The following GALNT18 variants were observed in gnomAD, a reference collection of about 807,000 sequenced individuals.
GALNT18 encodes the protein GalNAc-transferase 18.
In GALNT18, 44 loss-of-function variants were observed where a neutral mutation model predicts 69.5. The ratio of observed to expected loss-of-function variants is 0.63; its 90% CI spans 0.50 to 0.81. The LOEUF is 0.81. Ranked by LOEUF, GALNT18 falls within the 40% of genes least tolerant of loss-of-function variation. The pLI is 0.00. For missense variants in GALNT18, 715 were observed against 810.0 expected (o/e 0.88, Z 1.42); for synonymous variants, 364 against 318.2 (o/e 1.14, Z -1.53).
At chr11:11,272,014 G>A (rs1205970764) in intron 10 of GALNT18, among the ~76,000 whole-genome samples, 2 of 151,366 alleles carry the variant, frequency 1.3e-5, no homozygotes, top group Non-Finnish European at 3.0e-5. Context: ...AGCCTGGACT[G>A]TCTGAGCATC....
At chr11:11,272,235 C>T (rs1252610934) in intron 10 of GALNT18, among the ~76,000 whole-genome samples, 2 of 152,166 alleles carry the variant, frequency 1.3e-5, no homozygotes, top group Admixed American at 6.5e-5. Flanking sequence ...ATTTATCTAT[C>T]CTTTCAGCAT....
At chr11:11,325,378 G>A (rs867524967) in intron 9 of GALNT18, among the ~76,000 whole-genome samples, 8 of 152,162 alleles carry the variant, frequency 5.3e-5, no homozygotes, top group Non-Finnish European at 1.2e-4. Flanking sequence ...GGGAGGAGGG[G>A]TGAGGAATAA....
chr11:11,598,214 ATAATCTATAACAAATTATAACTG>A lies in GALNT18; in HGVS notation c.235+23122_235+23144del, dbSNP rs563289404. On this transcript the variant is annotated intron_variant, in intron 1 of 10. Coordinates refer to ENST00000227756, the MANE Select transcript of GALNT18 (RefSeq NM_198516.3). This position sits in a 1 kb window ranked among gnomAD's most constrained non-coding sequence, Gnocchi z 4.8. Reference sequence around the variant, plus strand: ...CTATAATAAATTACTATAATCTATAATAATCTATAACAAATTATAACTGTAATCTATAACAAATTATTATAAAC... The same window carrying A: ...CTATAATAAATTACTATAATCTATAATAATCTATAACAAATTATTATAAAC... Among the ~76,000 whole-genome samples the A allele has an allele frequency of 0.012, 1,867 of 152,224 alleles. 47 individuals are homozygous for A. Among genetic ancestry groups the A allele is most frequent in the African/African-American group, 0.043 (1,786 of 41,540 alleles).
chr11:11,406,801 A>G (rs1419832365), intron 3 of GALNT18, among the ~76,000 whole-genome samples: 1 of 152,244 alleles, frequency 6.6e-6, no homozygotes, highest in African/African-American at 2.4e-5. Flanking sequence ...GGAATTATCA[A>G]AGTCAAATAT....
intron 9 of GALNT18, among the ~76,000 whole-genome samples, chr11:11,293,695 C>T (rs112872345): frequency 0.18 from 27,511 of 151,914 alleles, 2,792 homozygotes; most frequent in Non-Finnish European, 0.23. Context: ...ATGCGCACCA[C>T]CATGCCCGGC....
chr11:11,384,793 T>A (rs1326631654), intron 3 of GALNT18, among the ~76,000 whole-genome samples: 2 of 152,144 alleles, frequency 1.3e-5, no homozygotes, highest in Non-Finnish European at 2.9e-5. Flanking sequence ...CATCTGTTGT[T>A]TATAAGCCAC....
In GALNT18 at chr11:11,340,730, A is replaced by G; in HGVS notation, c.1278+89T>C. On this transcript the variant is annotated intron_variant, in intron 7 of 10. Transcript: ENST00000227756. This position sits in a 1 kb window ranked among gnomAD's most constrained non-coding sequence, Gnocchi z 4.2. The stretch of plus-strand genomic sequence containing the variant: ...TGCATGGCAAACAGGACTCTGGCTG[A>G]CCCATAGGAAGAAGGGTTCGGTCCC... 8.0e-7 allele frequency: 1 copy of G among 1,248,702 alleles called. No homozygotes were observed. The highest frequency in any genetic ancestry group is 1.1e-6 in the Non-Finnish European group (1 of 896,100). 77.4% of individuals were successfully genotyped at this position (1,248,702 alleles called of 1,614,324 possible).
At chr11:11,353,620 G>A (rs1018814389) in intron 6 of GALNT18, among the ~76,000 whole-genome samples, 6 of 151,880 alleles carry the variant, frequency 4.0e-5, no homozygotes, top group African/African-American at 1.2e-4. Context: ...AAGCTTAATC[G>A]AATCAGAAAC....
Position 11,314,901 on chromosome 11 carries a change from A to G in GALNT18, c.1512+12185T>C, listed in dbSNP as rs1036066199. ...ATGTTCTAGGACTTATGGCCTACACACTCAACTATTGGTGGTGGGGCCTAG... is the reference window on the plus strand; with the variant it reads ...ATGTTCTAGGACTTATGGCCTACACGCTCAACTATTGGTGGTGGGGCCTAG... On this transcript the variant is annotated intron_variant, in intron 9 of 10. Coordinates refer to ENST00000227756, the MANE Select transcript of GALNT18 (RefSeq NM_198516.3). The surrounding 1 kb of genome is among the most constrained non-coding windows in gnomAD (Gnocchi z 5.2). Among the ~76,000 whole-genome samples the G allele has an allele frequency of 2.6e-5, 4 of 152,106 alleles. No homozygotes were observed. The highest frequency in any genetic ancestry group is 9.7e-5 in the African/African-American group (4 of 41,424).
At chr11:11,335,953 T>C (rs1450819720) in intron 7 of GALNT18, among the ~76,000 whole-genome samples, 1 of 152,202 alleles carries the variant, frequency 6.6e-6, no homozygotes, top group South Asian at 2.1e-4. Context: ...TTTCTGTTGT[T>C]TGAAGCCACC....
intron 1 of GALNT18, among the ~76,000 whole-genome samples, chr11:11,561,516 G>A (rs2133984053): frequency 6.6e-6 from 1 of 152,346 alleles, no homozygotes; most frequent in African/African-American, 2.4e-5. Flanking sequence ...TCAAAGGATT[G>A]TGGTAAGGAT....
At position 11,377,436 on chromosome 11, in the gene GALNT18, G is replaced by C; in HGVS notation, c.780-57C>G. 6.7e-7 allele frequency: 1 copy of C among 1,503,434 alleles called. No individual in the cohort carries two copies. Among genetic ancestry groups the C allele is most frequent in the Non-Finnish European group, 9.2e-7 (1 of 1,082,364 alleles). 93.1% of individuals were successfully genotyped at this position (1,503,434 alleles called of 1,614,324 possible). A position where few individuals can be genotyped will look rare whatever the true frequency, so the allele number is the denominator to read the frequency against. On this transcript the variant is annotated intron_variant, in intron 4 of 10. Transcript: ENST00000227756. The surrounding 1 kb of genome is among the most constrained non-coding windows in gnomAD (Gnocchi z 4.6). ...ACCATTTCCAAGGTGGAAAAATCCA[G>C]AGTAGCATCTCCTGAAGGTCCTTCC...
intron 1 of GALNT18, among the ~76,000 whole-genome samples, chr11:11,568,503 T>G (rs571085331): frequency 6.6e-6 from 1 of 152,164 alleles, no homozygotes; most frequent in East Asian, 1.9e-4. Flanking sequence ...GTGACTCTGG[T>G]TAAGGGGGGA....
At position 11,511,261 on chromosome 11, in the gene GALNT18, G is replaced by A. The variant is rs1232893650; in HGVS notation, c.236-62325C>T. ...GCCAAAGAATCTGCTGAAGACTGAA[G>A]GGACCGGCTGTCCAGCTTCACGCAG... On this transcript the variant is annotated intron_variant, in intron 1 of 10. Coordinates refer to ENST00000227756, the MANE Select transcript of GALNT18 (RefSeq NM_198516.3). This position sits in a 1 kb window ranked among gnomAD's most constrained non-coding sequence, Gnocchi z 4.9. Among the ~76,000 whole-genome samples, 2 of 152,166 alleles carry A rather than the reference G, an allele frequency of 1.3e-5. No homozygotes were observed. Among genetic ancestry groups the A allele is most frequent in the African/African-American group, 4.8e-5 (2 of 41,438 alleles).
chr11:11,561,226 C>G (rs371019622), intron 1 of GALNT18, among the ~76,000 whole-genome samples: 2 of 152,272 alleles, frequency 1.3e-5, no homozygotes, highest in East Asian at 3.9e-4. Context: ...GGGAAATAAA[C>G]TCCCTCTGAG....
Position 11,340,969 on chromosome 11 carries a change from G to T in GALNT18, c.1128C>A (p.Pro376=). 7 of 1,611,360 alleles carry T rather than the reference G, an allele frequency of 4.3e-6. No individual in the cohort carries two copies. Among genetic ancestry groups the T allele is most frequent in the Non-Finnish European group, 5.9e-6 (7 of 1,178,384 alleles). ...WQCGGSVEVL[P]CSRIAHIERA... Reference sequence around the variant, plus strand: ...GCTCAATGTGGGCAATCCGTGAGCAGGGCAGGACCTCCACACTCCCGCCAC... The same window carrying T: ...GCTCAATGTGGGCAATCCGTGAGCATGGCAGGACCTCCACACTCCCGCCAC... The change falls in exon 7 of 11, where the codon CCC becomes CCA. Residue 376 remains proline (P), a synonymous_variant. Coordinates refer to ENST00000227756, the MANE Select transcript of GALNT18 (RefSeq NM_198516.3). This position sits in a 1 kb window ranked among gnomAD's most constrained non-coding sequence, Gnocchi z 4.2.
In GALNT18 at chr11:11,448,905, G is replaced by C; in HGVS notation, c.267C>G (p.Ala89=). The C allele has an allele frequency of 6.3e-7, 1 of 1,599,922 alleles. No homozygotes were observed. The highest frequency in any genetic ancestry group is 1.3e-5 in the African/African-American group (1 of 74,912). Residue 89 remains alanine, a synonymous_variant, in exon 2 of 11, where the codon GCC becomes GCG. Transcript: ENST00000227756. ...EAPAKPEEAE[A]EPFTDSSLFA... is the part of the protein sequence containing the mutation. ...ACAGAGAGGAGTCTGTGAAGGGCTC[G>C]GCCTCTGCCTCCTCAGGCTTGGCAG...
chr11:11,593,066 C>G (rs144486572), intron 1 of GALNT18, among the ~76,000 whole-genome samples: 2 of 152,292 alleles, frequency 1.3e-5, no homozygotes, highest in South Asian at 2.1e-4. Flanking sequence ...CAGGCACCCC[C>G]CAACGCTCGG....
intron 10 of GALNT18, among the ~76,000 whole-genome samples, chr11:11,291,556 TAGAC>T (rs1345728657): frequency 4.6e-5 from 7 of 152,298 alleles, no homozygotes; most frequent in African/African-American, 1.7e-4. Flanking sequence ...AAAGGTTACA[TAGAC>T]AGGAAGGAGC....
Sources: allele counts gnomAD v4.1 joint callset (sites outside exome capture counted in the v4.1 genomes callset), GRCh38; gene constraint gnomAD v4.1.1; non-coding constraint Gnocchi (gnomAD v3.1); transcripts MANE v1.5; gene names NCBI Gene and HGNC (gene_info 2026-07-23, HGNC 2026-07-21).